Variants in DAB1 observed in about 807,000 individuals in gnomAD.
The protein encoded by DAB1 is DAB adaptor protein 1.
A neutral mutation model predicts 64.6 loss-of-function variants in DAB1; 15 were observed. That is an observed-to-expected ratio of 0.23 (90% CI 0.16 to 0.36). The LOEUF (loss-of-function observed/expected upper bound fraction) is 0.36, where lower values mean the gene tolerates loss of function less well. Ranked by LOEUF, DAB1 falls within the 10% of genes least tolerant of loss-of-function variation. DAB1 has a pLI of 1.00. For synonymous variants in DAB1, 235 were observed against 251.9 expected, an observed-to-expected ratio of 0.93 and a Z score of 0.64; for missense variants, 596 against 706.7, an observed-to-expected ratio of 0.84 and a Z score of 1.78.
At chr1:58,544,996 A>G (rs1646678368) in intron 1 of DAB1, among the ~76,000 whole-genome samples, 1 of 152,094 alleles carries the variant, frequency 6.6e-6, no homozygotes, top group Non-Finnish European at 1.5e-5. Context: ...CTGCACTGCG[A>G]AGTGTTGGGA....
chr1:57,343,739 C>T (rs980401481), intron 1 of DAB1, among the ~76,000 whole-genome samples: 17 of 152,360 alleles, frequency 1.1e-4, no homozygotes, highest in Admixed American at 6.5e-4. Flanking sequence ...CCAGAACTCG[C>T]GCTGGCCCGC....
chr1:57,286,627 A>G (rs1334971209), intron 2 of DAB1, among the ~76,000 whole-genome samples: 2 of 152,218 alleles, frequency 1.3e-5, no homozygotes, highest in Admixed American at 6.5e-5. Flanking sequence ...AAGAAAGTTA[A>G]TATTTTCCAG....
chr1:57,892,980 C>T (rs1479489205), intron 5 of DAB1, among the ~76,000 whole-genome samples: 1 of 146,360 alleles, frequency 6.8e-6, no homozygotes, highest in Non-Finnish European at 1.5e-5. Context: ...AACATGATTG[C>T]TGGGCCCCAC....
chr1:58,409,544 C>T (rs1435858286), intron 3 of DAB1, among the ~76,000 whole-genome samples: 1 of 152,064 alleles, frequency 6.6e-6, no homozygotes, highest in East Asian at 1.9e-4. Context: ...AAACAGAGGC[C>T]GGAAAATCAT....
intron 3 of DAB1, among the ~76,000 whole-genome samples, chr1:58,490,812 T>A (rs1360954155): frequency 3.0e-5 from 4 of 131,368 alleles, no homozygotes; most frequent in African/African-American, 8.6e-5. Flanking sequence ...TTTTTTTTTT[T>A]TTTTTTTTTT....
chr1:57,866,690 G>C (rs1654316183), intron 1 of DAB1, among the ~76,000 whole-genome samples: 1 of 152,194 alleles, frequency 6.6e-6, no homozygotes, highest in Non-Finnish European at 1.5e-5. Context: ...GGGCAGCACA[G>C]TGTCTGCACA....
chr1:57,838,351 G>C (rs967090373), intron 1 of DAB1, among the ~76,000 whole-genome samples: 6 of 152,100 alleles, frequency 3.9e-5, no homozygotes, highest in African/African-American at 9.7e-5. Context: ...AGAAAGTTGA[G>C]AATGATTTAT....
intron 4 of DAB1, among the ~76,000 whole-genome samples, chr1:58,225,030 C>T (rs1274732772): frequency 6.6e-6 from 1 of 152,178 alleles, no homozygotes; most frequent in Non-Finnish European, 1.5e-5. Context: ...AGACAACCTA[C>T]AGAATGGGAG....
chr1:58,167,778 T>C (rs1655942152), intron 4 of DAB1, among the ~76,000 whole-genome samples: 1 of 152,080 alleles, frequency 6.6e-6, no homozygotes, highest in Non-Finnish European at 1.5e-5. Flanking sequence ...CTTTAAGAGT[T>C]GTAACACTCA....
intron 3 of DAB1, among the ~76,000 whole-genome samples, chr1:58,450,677 C>G (rs1645125430): frequency 6.6e-6 from 1 of 152,140 alleles, no homozygotes; most frequent in African/African-American, 2.4e-5. Flanking sequence ...TGGCGTGAAC[C>G]CGGGAGGCGG....
chr1:58,458,718 C>T (rs541460141), intron 3 of DAB1, among the ~76,000 whole-genome samples: 2 of 152,156 alleles, frequency 1.3e-5, no homozygotes, highest in Non-Finnish European at 1.5e-5. Flanking sequence ...TCAGGAGAAT[C>T]GCTTGAACCC....
At chr1:57,611,536 C>T (rs1406563898) in intron 7 of DAB1, among the ~76,000 whole-genome samples, 2 of 152,198 alleles carry the variant, frequency 1.3e-5, no homozygotes, top group East Asian at 3.9e-4. Flanking sequence ...TCTAGTGTTG[C>T]AGGACACCTA....
chr1:57,879,830 ACTATATAAGGCAG>A (rs1385512397), intron 1 of DAB1, among the ~76,000 whole-genome samples: 5 of 152,266 alleles, frequency 3.3e-5, no homozygotes, highest in South Asian at 2.1e-4. Flanking sequence ...GCCCATTGCA[ACTATATAAGGCAG>A]CTGTACACTG....
intron 5 of DAB1, among the ~76,000 whole-genome samples, chr1:58,045,884 C>G (rs909979887): frequency 1.3e-5 from 2 of 151,976 alleles, no homozygotes; most frequent in Non-Finnish European, 2.9e-5. Flanking sequence ...CATTATGGGT[C>G]CAAATTGCAG....
chr1:58,346,169 C>T (rs1643995522), intron 3 of DAB1, among the ~76,000 whole-genome samples: 1 of 152,240 alleles, frequency 6.6e-6, no homozygotes, highest in African/African-American at 2.4e-5. Flanking sequence ...ACACTAAATC[C>T]ATTTCCTGCT....
chr1:58,135,395 G>A (rs866670222), intron 5 of DAB1, among the ~76,000 whole-genome samples: 20 of 152,124 alleles, frequency 1.3e-4, no homozygotes, highest in Admixed American at 8.5e-4. Flanking sequence ...CTTTACTGAG[G>A]AAGGCCTTGA....
intron 7 of DAB1, among the ~76,000 whole-genome samples, chr1:57,557,768 A>T (rs1277848862): frequency 2.0e-5 from 3 of 152,196 alleles, no homozygotes; most frequent in Admixed American, 6.5e-5. Flanking sequence ...TAGTGACTCT[A>T]TACATAATAC....
intron 7 of DAB1, among the ~76,000 whole-genome samples, chr1:57,610,952 C>A (rs1230276255): frequency 6.6e-6 from 1 of 152,126 alleles, no homozygotes; most frequent in Non-Finnish European, 1.5e-5. Flanking sequence ...TAACTTTGCA[C>A]CCAGGGTTCT....
chr1:57,852,978 T>C (rs898714745), intron 1 of DAB1, among the ~76,000 whole-genome samples: 1 of 152,170 alleles, frequency 6.6e-6, no homozygotes, highest in Non-Finnish European at 1.5e-5. Context: ...TACACTATAC[T>C]AAGTGTGATA....
Sources: gnomAD v4.1 joint callset for allele counts (sites outside exome capture counted in the v4.1 genomes callset) on GRCh38, gnomAD v4.1.1 for gene constraint, MANE v1.5 for transcripts, NCBI Gene and HGNC (gene_info 2026-07-23, HGNC 2026-07-21) for gene names.